Variants in ZFYVE28 observed in about 807,000 individuals in gnomAD.
The protein encoded by ZFYVE28 is lateral signaling target protein 2 homolog.
Under a neutral mutation model 82.1 loss-of-function variants are expected in ZFYVE28, and 40 were observed. The observed-to-expected ratio is 0.49, with a 90% CI of 0.38 to 0.63. ZFYVE28 has a LOEUF of 0.63. Ranked by LOEUF, ZFYVE28 falls within the 30% of genes least tolerant of loss-of-function variation. ZFYVE28 has a pLI of 0.00. For synonymous variants in ZFYVE28, 612 were observed against 546.1 expected, an observed-to-expected ratio of 1.12 and a Z score of -1.68; for missense variants, 1,321 against 1,242.1, an observed-to-expected ratio of 1.06 and a Z score of -0.96.
rs1156777042 is a variant in ZFYVE28 at position 2,409,260 on chromosome 4, T to G, written c.39+9025A>C. On this transcript the variant is annotated intron_variant, in intron 1 of 12. Transcript: ENST00000290974. The surrounding 1 kb of genome is among the most constrained non-coding windows in gnomAD (Gnocchi z 4.4). Reference sequence around the variant, plus strand: ...AGGTCCCACCCCCACCAGGCCCAGATCCATCTACTTTCTCCATCCAGAGTC... The same window carrying G: ...AGGTCCCACCCCCACCAGGCCCAGAGCCATCTACTTTCTCCATCCAGAGTC... Among the ~76,000 whole-genome samples the G allele has an allele frequency of 7.8e-6, 1 of 128,162 alleles. No homozygotes were observed. Among genetic ancestry groups the G allele is most frequent in the Non-Finnish European group, 1.6e-5 (1 of 62,640 alleles). The allele number at this position is 128,162 out of a possible 152,430, so 84.1% of individuals were successfully genotyped here. A position where few individuals can be genotyped will look rare whatever the true frequency, so the allele number is the denominator to read the frequency against.
rs187167255 is a variant in ZFYVE28, at chr4:2,382,857, G to C, written c.40-28784C>G. Among the ~76,000 whole-genome samples the C allele has an allele frequency of 3.5e-3, 536 of 152,186 alleles. 1 individual carries two copies. The highest frequency in any genetic ancestry group is 0.014 in the Middle Eastern group (4 of 294). On this transcript the variant is annotated intron_variant, in intron 1 of 12. Transcript: ENST00000290974. ...ATGGCTGGGGAGGCCTCAGAATCAC[G>C]GCAGGAGGCAAAAGGCACTTCTTAC...
chr4:2,314,086 C>T (rs527454562), intron 7 of ZFYVE28, among the ~76,000 whole-genome samples: 1 of 152,254 alleles, frequency 6.6e-6, no homozygotes, highest in East Asian at 1.9e-4. Context: ...CTATGTTATT[C>T]AGCCCATATA....
chr4:2,367,409 C>T (rs970997071), intron 1 of ZFYVE28, among the ~76,000 whole-genome samples: 1 of 152,228 alleles, frequency 6.6e-6, no homozygotes, highest in Non-Finnish European at 1.5e-5. Flanking sequence ...CTCTGCCTGG[C>T]TGAGGGCAGC....
At chr4:2,284,420 A>G (rs1047826492) in intron 8 of ZFYVE28, among the ~76,000 whole-genome samples, 1 of 152,088 alleles carries the variant, frequency 6.6e-6, no homozygotes, top group Non-Finnish European at 1.5e-5. Flanking sequence ...GGAGGAGGAG[A>G]GCGCGACGGG....
chr4:2,319,251 G>A (rs1451994969), intron 7 of ZFYVE28, among the ~76,000 whole-genome samples: 2 of 152,016 alleles, frequency 1.3e-5, no homozygotes, highest in African/African-American at 4.8e-5. Flanking sequence ...CCAGGTCCAG[G>A]GCTCACATCC....
intron 8 of ZFYVE28, among the ~76,000 whole-genome samples, chr4:2,274,968 C>T: frequency 7.0e-6 from 1 of 142,956 alleles, no homozygotes; most frequent in Admixed American, 6.8e-5. Flanking sequence ...GTTTCCAGGG[C>T]TTAGGCCAGT....
Position 2,408,752 on chromosome 4 carries a change from G to A in ZFYVE28, c.39+9533C>T, listed in dbSNP as rs1330504192. On this transcript the variant is annotated intron_variant, in intron 1 of 12. Coordinates refer to ENST00000290974, the MANE Select transcript of ZFYVE28 (RefSeq NM_020972.3). This position sits in a 1 kb window ranked among gnomAD's most constrained non-coding sequence, Gnocchi z 4.3. Reference sequence around the variant, plus strand: ...CCCCGCCCAGATGCAGCCCTATCCAGATGGCCCCACACTGTGAGTCCTGCC... The same window carrying A: ...CCCCGCCCAGATGCAGCCCTATCCAAATGGCCCCACACTGTGAGTCCTGCC... 6.6e-6 allele frequency among the ~76,000 whole-genome samples: 1 copy of A among 152,010 alleles called. No homozygotes were observed. The highest frequency in any genetic ancestry group is 1.5e-5 in the Non-Finnish European group (1 of 67,982).
Position 2,335,853 on chromosome 4 carries a change from G to T in ZFYVE28, c.612-59C>A. 1 of 1,455,410 alleles carries T rather than the reference G, an allele frequency of 6.9e-7. No individual in the cohort carries two copies. The highest frequency in any genetic ancestry group is 9.4e-7 in the Non-Finnish European group (1 of 1,062,642). The allele number at this position is 1,455,410 out of a possible 1,614,324, so 90.2% of individuals were successfully genotyped here. ...GGCTGGCCCACCACAGCCACAGGTT[G>T]GACCCCAGCAGGGACAGGCAGTGCG... On this transcript the variant is annotated intron_variant, in intron 5 of 12. Coordinates refer to ENST00000290974, the MANE Select transcript of ZFYVE28 (RefSeq NM_020972.3). The surrounding 1 kb of genome is among the most constrained non-coding windows in gnomAD (Gnocchi z 5.8).
chr4:2,370,830 G>A (rs78446482), intron 1 of ZFYVE28, among the ~76,000 whole-genome samples: 5,803 of 152,296 alleles, frequency 0.038, 163 homozygotes, highest in Non-Finnish European at 0.06. Context: ...GATGCTGGGC[G>A]CCTCTCTGAC....
chr4:2,337,284 C>T (rs2108857680), intron 5 of ZFYVE28, 123 bp downstream of exon 5: 1 of 808,466 alleles, frequency 1.2e-6, no homozygotes, highest in Non-Finnish European at 1.9e-6. Flanking sequence ...CGTCTGGTGC[C>T]TTCCATCTGG....
intron 1 of ZFYVE28, among the ~76,000 whole-genome samples, chr4:2,358,975 CTTT>C (rs34020284): frequency 7.2e-5 from 9 of 125,758 alleles, no homozygotes; most frequent in East Asian, 2.2e-4. Flanking sequence ...CCAATTTTTT[CTTT>C]TTTTTTTTTT....
Position 2,304,991 on chromosome 4 carries a change from G to A in ZFYVE28, c.1349C>T (p.Pro450Leu), listed in dbSNP as rs748684512. ...CAAGTCCTCCTCCTTTTCCGAGGCG[G>A]GCAAGCTGATCCCCGCCGCTCCGCC... ...GPGGAAGISLPASEKEEDLSN... is the reference protein window; with the variant it reads ...GPGGAAGISLLASEKEEDLSN... Residue 450 changes from proline (P) to leucine (L), a missense_variant, in exon 8 of 13, where the codon CCC (proline) becomes CTC (leucine). Physicochemically the swap from Pro to Leu is moderately conservative, Grantham distance 98. Around this residue, in one of 2 missense-constraint regions of ZFYVE28, gnomAD observed 978 missense variants for 833.7 expected, o/e 1.17. Transcript: ENST00000290974. 1.2e-6 allele frequency: 2 copies of A among 1,612,596 alleles called. No individual in the cohort carries two copies. Among genetic ancestry groups the A allele is most frequent in the African/African-American group, 1.3e-5 (1 of 74,924 alleles).
intron 1 of ZFYVE28, among the ~76,000 whole-genome samples, chr4:2,411,595 C>T (rs963520804): frequency 3.9e-5 from 6 of 152,210 alleles, no homozygotes; most frequent in African/African-American, 1.4e-4. Context: ...TTGCCTGACG[C>T]ATACGGGTGC....
chr4:2,413,374 T>C (rs1401746733), intron 1 of ZFYVE28, among the ~76,000 whole-genome samples: 2 of 152,192 alleles, frequency 1.3e-5, no homozygotes, highest in Non-Finnish European at 2.9e-5. Flanking sequence ...AGGGGTGGCA[T>C]GACCTGGATG....
intron 1 of ZFYVE28, among the ~76,000 whole-genome samples, chr4:2,392,131 G>A (rs1164517952): frequency 6.6e-6 from 1 of 151,348 alleles, no homozygotes; most frequent in Non-Finnish European, 1.5e-5. Context: ...TCCATCCTGG[G>A]CGACAGAGCA....
At chr4:2,405,563 T>TGAGC (rs1731793437) in intron 1 of ZFYVE28, among the ~76,000 whole-genome samples, 1 of 152,190 alleles carries the variant, frequency 6.6e-6, no homozygotes, top group Non-Finnish European at 1.5e-5. Flanking sequence ...AGGCCCAGGC[T>TGAGC]CTGAGATCTG....
intron 7 of ZFYVE28, among the ~76,000 whole-genome samples, chr4:2,316,699 C>CT (rs5855729): frequency 0.29 from 43,284 of 148,664 alleles, 6,443 homozygotes; most frequent in Middle Eastern, 0.39. Flanking sequence ...TCTTGTCTCT[C>CT]TTTTTTTTTT....
rs1370637282 is a variant in ZFYVE28, at chr4:2,340,273, G to A, written c.319-618C>T. Among the ~76,000 whole-genome samples the A allele has an allele frequency of 4.6e-5, 7 of 152,292 alleles. No individual in the cohort carries two copies. The East Asian group carries it at 9.7e-4, about 21-fold the overall frequency. On this transcript the variant is annotated intron_variant, in intron 3 of 12. Transcript: ENST00000290974. ...CTGGGCAGGTAAGGAGGGCTCCTCC[G>A]CACCCACAAATCCACCCATGTCTGC...
chr4:2,369,891 A>G (rs1341250790), intron 1 of ZFYVE28, among the ~76,000 whole-genome samples: 2 of 127,006 alleles, frequency 1.6e-5, no homozygotes, highest in African/African-American at 3.1e-5. Flanking sequence ...TCGCTCTGTC[A>G]CCAGGCTGGA....
Sources: allele counts gnomAD v4.1 joint callset (sites outside exome capture counted in the v4.1 genomes callset), GRCh38; gene constraint gnomAD v4.1.1; regional missense constraint gnomAD v4.1.1; non-coding constraint Gnocchi (gnomAD v3.1); transcripts MANE v1.5; gene names NCBI Gene and HGNC (gene_info 2026-07-23, HGNC 2026-07-21).